The following UST variants were observed in gnomAD, a reference collection of about 807,000 sequenced individuals.
UST encodes the protein chondroitin sulfate 2-O-sulfotransferase.
Under a neutral mutation model 45.6 loss-of-function variants are expected in UST, and 21 were observed. That is an observed-to-expected ratio of 0.46 (90% CI 0.33 to 0.66). The LOEUF is 0.66. Ranked by LOEUF, UST falls within the 30% of genes least tolerant of loss-of-function variation. The pLI, the probability that UST is intolerant of heterozygous loss-of-function variation, is 0.02. For missense variants in UST, 463 were observed against 512.4 expected (o/e 0.90, Z 0.93); for synonymous variants, 215 against 200.6 (o/e 1.07, Z -0.61).
chr6:148,919,834 A>G (rs1232129205), intron 2 of UST, among the ~76,000 whole-genome samples: 12 of 152,202 alleles, frequency 7.9e-5, no homozygotes, highest in African/African-American at 1.7e-4. Flanking sequence ...GCTTCTGACT[A>G]CTGTCATCCA....
intron 7 of UST, among the ~76,000 whole-genome samples, chr6:149,072,277 CA>C (rs1776830280): frequency 6.6e-6 from 1 of 152,174 alleles, no homozygotes; most frequent in Admixed American, 6.5e-5. Context: ...AAGATGGAAA[CA>C]ACCCAAGTGT....
chr6:148,887,343 C>T (rs951444894), intron 2 of UST, among the ~76,000 whole-genome samples: 1 of 152,220 alleles, frequency 6.6e-6, no homozygotes, highest in African/African-American at 2.4e-5. Context: ...CGATGCTGGC[C>T]CACAGTGTGA....
intron 7 of UST, among the ~76,000 whole-genome samples, chr6:149,037,130 A>AGTCT (rs1776250265): frequency 6.6e-6 from 1 of 152,106 alleles, no homozygotes; most frequent in Non-Finnish European, 1.5e-5. Context: ...GAGCACAGCC[A>AGTCT]GTCTGCTCAT....
chr6:149,043,979 G>C (rs1005883739), intron 7 of UST, among the ~76,000 whole-genome samples: 4 of 152,190 alleles, frequency 2.6e-5, no homozygotes, highest in African/African-American at 9.7e-5. Flanking sequence ...TGTGTTATTA[G>C]TCTTGATCTT....
intron 1 of UST, among the ~76,000 whole-genome samples, chr6:148,878,646 C>T (rs866353064): frequency 2.0e-4 from 7 of 34,652 alleles, no homozygotes; most frequent in African/African-American, 6.9e-4. Flanking sequence ...TGTATGAGTG[C>T]GGGGGGTCGT....
At chr6:149,005,063 A>C (rs2115007569) in intron 5 of UST, among the ~76,000 whole-genome samples, 1 of 151,788 alleles carries the variant, frequency 6.6e-6, no homozygotes, top group Admixed American at 6.6e-5. Context: ...TGGTGATCAG[A>C]TGTCTTGAGT....
chr6:148,767,939 C>T (rs1304497773), intron 1 of UST, among the ~76,000 whole-genome samples: 1 of 151,988 alleles, frequency 6.6e-6, no homozygotes. Flanking sequence ...TGGCCCATTT[C>T]TAGTTTTTTT....
In UST at chr6:148,790,690, A is replaced by G. The variant is rs1030335847; in HGVS notation, c.247+43013A>G. Among the ~76,000 whole-genome samples, 1 of 152,100 alleles carries G rather than the reference A, an allele frequency of 6.6e-6. No individual in the cohort carries two copies. The highest frequency in any genetic ancestry group is 1.9e-4 in the East Asian group (1 of 5,158). On this transcript the variant is annotated intron_variant, in intron 1 of 7. Transcript: ENST00000367463. The surrounding 1 kb of genome is among the most constrained non-coding windows in gnomAD (Gnocchi z 4.2). ...GAGTGCTGTGCCCCGTGTGGAAGGAAACCTCCTCGCCCAAGGTTATGCCTC... is the reference window on the plus strand; with the variant it reads ...GAGTGCTGTGCCCCGTGTGGAAGGAGACCTCCTCGCCCAAGGTTATGCCTC...
intron 7 of UST, among the ~76,000 whole-genome samples, chr6:149,027,298 G>T (rs941254845): frequency 6.6e-6 from 1 of 152,076 alleles, no homozygotes; most frequent in African/African-American, 2.4e-5. Context: ...AATAATAAAA[G>T]CTTGGCCTAT....
intron 3 of UST, among the ~76,000 whole-genome samples, chr6:148,944,676 T>C (rs1234463460): frequency 6.6e-6 from 1 of 152,190 alleles, no homozygotes; most frequent in Non-Finnish European, 1.5e-5. Context: ...CTTATAAAAA[T>C]AGAAATACCT....
chr6:148,791,894 G>A (rs759365939), intron 1 of UST, among the ~76,000 whole-genome samples: 8 of 152,154 alleles, frequency 5.3e-5, no homozygotes, highest in African/African-American at 7.2e-5. Context: ...GGACCAACGC[G>A]TCAATCACAT....
At chr6:148,991,525 G>A (rs1421073342) in intron 5 of UST, among the ~76,000 whole-genome samples, 4 of 80,348 alleles carry the variant, frequency 5.0e-5, no homozygotes, top group East Asian at 3.5e-4. Flanking sequence ...CCCACCCCAC[G>A]ACAGGCCCCG....
chr6:149,028,384 CCTG>C (rs1776081951), intron 7 of UST, among the ~76,000 whole-genome samples: 1 of 152,174 alleles, frequency 6.6e-6, no homozygotes, highest in Non-Finnish European at 1.5e-5. Context: ...CAGTAATTAG[CCTG>C]CCCACCAAGC....
intron 1 of UST, among the ~76,000 whole-genome samples, chr6:148,789,939 C>T (rs1458656797): frequency 4.6e-5 from 7 of 151,100 alleles, no homozygotes; most frequent in Non-Finnish European, 7.4e-5. Flanking sequence ...AAATATCACA[C>T]ATGTCAGTGA....
chr6:148,751,412 C>T lies in UST; in HGVS notation c.247+3735C>T, dbSNP rs138934713. Among the ~76,000 whole-genome samples the T allele has an allele frequency of 1.4e-3, 211 of 152,234 alleles. 1 individual carries two copies. The highest frequency in any genetic ancestry group is 4.8e-3 in the African/African-American group (201 of 41,534). On this transcript the variant is annotated intron_variant, in intron 1 of 7. Coordinates refer to ENST00000367463, the MANE Select transcript of UST (RefSeq NM_005715.3). ...GAGGAGTAGGCTGACGTGGGGCAAC[C>T]GGAAAGCATAGTGTGGGGAAGGACG...
chr6:148,800,717 T>C (rs1183013825), intron 1 of UST, among the ~76,000 whole-genome samples: 2 of 151,832 alleles, frequency 1.3e-5, no homozygotes, highest in Non-Finnish European at 2.9e-5. Context: ...GAATGCAGCC[T>C]CCTCACCCAC....
chr6:148,976,949 T>C (rs9377183), intron 5 of UST, among the ~76,000 whole-genome samples: 48,064 of 152,000 alleles, frequency 0.32, 8,161 homozygotes, highest in Non-Finnish European at 0.38. Flanking sequence ...TCTGAAACTA[T>C]AAAAAATATT....
intron 2 of UST, among the ~76,000 whole-genome samples, chr6:148,933,843 T>C (rs569597307): frequency 6.6e-6 from 1 of 152,322 alleles, no homozygotes; most frequent in East Asian, 1.9e-4. Flanking sequence ...TAAAGGTAGA[T>C]TTATTATGGG....
At chr6:149,053,834 C>T (rs954880578) in intron 7 of UST, among the ~76,000 whole-genome samples, 14 of 152,174 alleles carry the variant, frequency 9.2e-5, no homozygotes, top group African/African-American at 3.4e-4. Context: ...CTAAAAAGTA[C>T]AAGAATTGGG....
Sources: gnomAD v4.1 joint callset for allele counts (sites outside exome capture counted in the v4.1 genomes callset) on GRCh38, gnomAD v4.1.1 for gene constraint, Gnocchi (gnomAD v3.1) non-coding constraint, MANE v1.5 for transcripts, NCBI Gene and HGNC (gene_info 2026-07-23, HGNC 2026-07-21) for gene names.